RMDN3: variants seen among roughly 807,000 people sequenced by gnomAD.
The protein encoded by RMDN3 is regulator of microtubule dynamics protein 3.
In RMDN3, 41 loss-of-function variants were observed where a neutral mutation model predicts 61.8. That is an observed-to-expected ratio of 0.66 (90% CI 0.52 to 0.86). The LOEUF (loss-of-function observed/expected upper bound fraction) is 0.86. Ranked by LOEUF, RMDN3 falls within the 40% of genes least tolerant of loss-of-function variation. The probability of loss-of-function intolerance (pLI) is 0.00; values close to 1 mark genes in which losing one functional copy is unlikely to be tolerated. For synonymous variants in RMDN3, 247 were observed against 232.0 expected (o/e 1.06, Z -0.59); for missense variants, 557 against 585.3 (o/e 0.95, Z 0.50).
At position 40,744,140 on chromosome 15, in the gene RMDN3, G is replaced by C. The variant is rs201035155; in HGVS notation, c.817C>G (p.Arg273Gly). The part of the protein sequence containing the change: ...LLNNKLVYGS[R>G]QDFLWRLARA... ...GCCAGGCGCCAGAGAAAGTCCTGCC[G>C]GCTTCCATACTGCAGACCAGACAGA... Residue 273 changes from arginine to glycine, a missense_variant, in exon 6 of 13, where the codon CGG (arginine) becomes GGG (glycine). Transcript: ENST00000338376. The C allele has an allele frequency of 1.2e-6, 2 of 1,613,192 alleles. No individual in the cohort carries two copies. The highest frequency in any genetic ancestry group is 2.7e-5 in the African/African-American group (2 of 74,930).
chr15:40,754,250 C>T (rs552364651), intron 2 of RMDN3, among the ~76,000 whole-genome samples: 2 of 151,936 alleles, frequency 1.3e-5, no homozygotes, highest in East Asian at 3.9e-4. Flanking sequence ...CGTGCCTCAG[C>T]CTCCCCAGTA....
chr15:40,752,185 G>A lies in RMDN3; in HGVS notation c.188-7C>T, dbSNP rs1362904552. ...ACAGCCCGCAGGAGCATCACTGAAG[G>A]GGGAAACGAATGGGAGCCAGTGACA... On this transcript the variant is annotated splice_region_variant and splice_polypyrimidine_tract_variant and intron_variant, in intron 2 of 12. Transcript: ENST00000338376. 2.7e-5 allele frequency: 44 copies of A among 1,609,446 alleles called. No individual in the cohort carries two copies. Among genetic ancestry groups the A allele is most frequent in the Non-Finnish European group, 3.7e-5 (44 of 1,177,182 alleles).
chr15:40,754,571 C>T (rs931029335), intron 2 of RMDN3, 26 bp downstream of exon 2: 2 of 1,596,396 alleles, frequency 1.3e-6, no homozygotes, highest in Non-Finnish European at 1.7e-6. Flanking sequence ...CTGCAGTGAC[C>T]GCGGTCTCAG....
chr15:40,736,571 CAGGTCCTTCTGGATAGCCA>C lies in RMDN3; in HGVS notation c.1364_1382del (p.Leu455TrpfsTer20), dbSNP rs764028784. ...CTCGTAAAATGACTTCCAGTTCTTC[CAGGTCCTTCTGGATAGCCA>C]AATCCTAGGGAGACAAAGAACAAAT... On this transcript the variant is annotated frameshift_variant, in exon 13 of 13. Transcript: ENST00000338376. LOFTEE classifies it high-confidence loss of function. 1.2e-6 allele frequency: 2 copies of C among 1,614,028 alleles called. No individual in the cohort carries two copies. The highest frequency in any genetic ancestry group is 4.5e-5 in the East Asian group (2 of 44,870).
intron 4 of RMDN3, among the ~76,000 whole-genome samples, 191 bp from the exon 5 acceptor site, chr15:40,745,450 T>C (rs1481985434): frequency 6.7e-6 from 1 of 149,792 alleles, no homozygotes; most frequent in African/African-American, 2.5e-5. Context: ...TCCCGCTCTG[T>C]CACCCAGACT....
chr15:40,751,887 T>C lies in RMDN3; in HGVS notation c.380+99A>G, dbSNP rs1319432134. 3.1e-6 allele frequency: 4 copies of C among 1,290,162 alleles called. No individual in the cohort carries two copies. The African/African-American group carries it at 4.4e-5, about 14-fold the overall frequency. 79.9% of individuals were successfully genotyped at this position (1,290,162 alleles called of 1,614,324 possible). ...CAGATTAGGCTAGAAGCTATAGAACTGGTTTATTCTTTAGAGACAGACAGC... is the reference window on the plus strand; with the variant it reads ...CAGATTAGGCTAGAAGCTATAGAACCGGTTTATTCTTTAGAGACAGACAGC... On this transcript the variant is annotated intron_variant, in intron 3 of 12. Coordinates refer to ENST00000338376, the MANE Select transcript of RMDN3 (RefSeq NM_018145.3).
At chr15:40,745,440 T>A (rs562520051) in intron 4 of RMDN3, among the ~76,000 whole-genome samples, 181 bp from the exon 5 acceptor site, 16 of 133,814 alleles carry the variant, frequency 1.2e-4, no homozygotes, top group Non-Finnish European at 2.3e-4. Flanking sequence ...TGAGACAGGG[T>A]CCCGCTCTGT....
At chr15:40,751,700 A>G in intron 3 of RMDN3, 131 bp from the exon 4 acceptor site, 1 of 1,402,880 alleles carries the variant, frequency 7.1e-7, no homozygotes, top group Non-Finnish European at 9.9e-7. Flanking sequence ...TAAGTCTCTA[A>G]CCCTCAGGAG....
chr15:40,753,499 C>G (rs369697160), intron 2 of RMDN3, among the ~76,000 whole-genome samples: 5 of 151,322 alleles, frequency 3.3e-5, no homozygotes, highest in African/African-American at 9.7e-5. Flanking sequence ...GGCAACAGAG[C>G]GAGACTCCAT....
chr15:40,745,317 CTG>C, intron 4 of RMDN3, 58 bp from the exon 5 acceptor site: 1 of 1,542,804 alleles, frequency 6.5e-7, no homozygotes. Context: ...CCCCTAGGGT[CTG>C]TCTATCCCTC....
intron 4 of RMDN3, chr15:40,747,744 C>T (rs1897636133): frequency 6.6e-6 from 1 of 152,106 alleles, no homozygotes; most frequent in Non-Finnish European, 1.5e-5. Context: ...CCAAGGCTCC[C>T]TCTGAGCAGA....
intron 7 of RMDN3, 26 bp from the exon 8 acceptor site, chr15:40,738,602 G>T: frequency 1.2e-6 from 2 of 1,612,556 alleles, no homozygotes; most frequent in African/African-American, 1.3e-5. Flanking sequence ...CAAGCTCAGG[G>T]ACAAGGGCTG....
intron 4 of RMDN3, among the ~76,000 whole-genome samples, chr15:40,748,131 G>GA (rs1304405404): frequency 6.6e-6 from 1 of 152,158 alleles, no homozygotes; most frequent in Non-Finnish European, 1.5e-5. Context: ...TCAATCTCCT[G>GA]AGACCTCAAA....
intron 4 of RMDN3, among the ~76,000 whole-genome samples, chr15:40,750,008 A>G (rs980077603): frequency 4.8e-4 from 73 of 152,290 alleles, no homozygotes; most frequent in African/African-American, 1.6e-3. Flanking sequence ...CGGACTGCGC[A>G]TATCAGTGGG....
rs906298124 is a variant in RMDN3, at chr15:40,751,970, A to C, written c.380+16T>G. The stretch of plus-strand genomic sequence containing the variant: ...CAGGGGAGGGATAAAGCAGGAGAAG[A>C]AGCCGCATTACTCACCGGACCTCCC... On this transcript the variant is annotated intron_variant, in intron 3 of 12. Transcript: ENST00000338376. The C allele has an allele frequency of 6.2e-7, 1 of 1,609,500 alleles. No individual in the cohort carries two copies. Among genetic ancestry groups the C allele is most frequent in the Non-Finnish European group, 8.5e-7 (1 of 1,177,270 alleles).
In RMDN3 at chr15:40,737,674, C is replaced by T. The variant is rs202155220; in HGVS notation, c.1178G>A (p.Ser393Asn). ...ATCTTCCACAGTGGCACTGAGAGGG[C>T]TTTCAAGCAAGGCTGTAGCAGTTTT... ...EKKTATALLE[S>N]PLSATVEDAL... The change falls in exon 10 of 13, where the codon AGC becomes AAC. Residue 393 changes from serine (S) to asparagine (N), a missense_variant. Physicochemically the swap from Ser to Asn is conservative, Grantham distance 46 (BLOSUM62 1). Transcript: ENST00000338376. 6.8e-6 allele frequency: 11 copies of T among 1,614,102 alleles called. No individual in the cohort carries two copies. In the African/African-American group the frequency reaches 1.2e-4, roughly 18 times the overall value.
At chr15:40,744,014 G>T (rs752898367) in intron 6 of RMDN3, 33 bp downstream of exon 6, 2 of 1,574,102 alleles carry the variant, frequency 1.3e-6, no homozygotes, top group Admixed American at 1.7e-5. Context: ...GAATCAGTCA[G>T]TCACCTTCCC....
chr15:40,741,069 C>T (rs1897257275), intron 6 of RMDN3, among the ~76,000 whole-genome samples: 1 of 140,232 alleles, frequency 7.1e-6, no homozygotes, highest in African/African-American at 2.8e-5. Flanking sequence ...GGGCGACGAA[C>T]TCCACCTCAA....
intron 6 of RMDN3, among the ~76,000 whole-genome samples, chr15:40,743,589 G>A (rs1244737663): frequency 1.3e-5 from 2 of 152,186 alleles, no homozygotes; most frequent in African/African-American, 4.8e-5. Flanking sequence ...GCACAGGTCA[G>A]ATGCACCCTA....
Sources: allele counts gnomAD v4.1 joint callset (sites outside exome capture counted in the v4.1 genomes callset), GRCh38; gene constraint gnomAD v4.1.1; transcripts MANE v1.5; gene names NCBI Gene and HGNC (gene_info 2026-07-23, HGNC 2026-07-21).